PARD3B: variants seen among roughly 807,000 people sequenced by gnomAD.
PARD3B encodes par-3 family cell polarity regulator beta.
PARD3B carries 103 observed loss-of-function variants against 130.2 expected under a neutral mutation model. That is an observed-to-expected ratio of 0.79 (90% CI 0.67 to 0.93). The LOEUF (loss-of-function observed/expected upper bound fraction) is 0.93. PARD3B is among the 40% of genes least tolerant of loss of function. The probability of loss-of-function intolerance (pLI) is 0.00; values close to 1 mark genes in which losing one functional copy is unlikely to be tolerated. For synonymous variants in PARD3B, 583 were observed against 553.2 expected, an observed-to-expected ratio of 1.05 and a Z score of -0.76; for missense variants, 1,609 against 1,499.2, an observed-to-expected ratio of 1.07 and a Z score of -1.21.
intron 1 of PARD3B, among the ~76,000 whole-genome samples, chr2:204,651,680 G>C (rs2035484194): frequency 6.6e-6 from 1 of 152,174 alleles, no homozygotes; most frequent in African/African-American, 2.4e-5. Flanking sequence ...GACTGTGTAT[G>C]GGGGCTCCAA....
chr2:204,897,449 C>A, intron 2 of PARD3B, among the ~76,000 whole-genome samples: 1 of 139,014 alleles, frequency 7.2e-6, no homozygotes, highest in African/African-American at 2.8e-5. Context: ...AGAGAAAGAG[C>A]AACAATGGAC....
chr2:204,978,363 T>A (rs1692368977), intron 3 of PARD3B, among the ~76,000 whole-genome samples: 1 of 152,206 alleles, frequency 6.6e-6, no homozygotes, highest in Admixed American at 6.5e-5. Context: ...AATATAAAAA[T>A]TAGTAAAATG....
intron 2 of PARD3B, among the ~76,000 whole-genome samples, chr2:204,786,091 G>T (rs2042000818): frequency 6.8e-6 from 1 of 147,444 alleles, no homozygotes; most frequent in African/African-American, 2.5e-5. Flanking sequence ...ACCAGCCCAG[G>T]TGACAGAGTG....
intron 2 of PARD3B, among the ~76,000 whole-genome samples, chr2:204,935,898 C>T (rs1446171433): frequency 6.6e-6 from 1 of 152,048 alleles, no homozygotes; most frequent in Non-Finnish European, 1.5e-5. Context: ...TATTGTGAGG[C>T]TTTTTCTTTT....
At chr2:204,816,537 T>C (rs1350014188) in intron 2 of PARD3B, among the ~76,000 whole-genome samples, 2 of 152,014 alleles carry the variant, frequency 1.3e-5, no homozygotes, top group African/African-American at 4.8e-5. Flanking sequence ...TTAACAATTA[T>C]TTTTCTTTTA....
intron 3 of PARD3B, among the ~76,000 whole-genome samples, chr2:204,998,627 G>T (rs1694555181): frequency 6.6e-6 from 1 of 150,600 alleles, no homozygotes. Flanking sequence ...AAAAGTTTTT[G>T]ATATAAAGGA....
intron 15 of PARD3B, among the ~76,000 whole-genome samples, chr2:205,235,286 G>A (rs1358562236): frequency 3.9e-5 from 6 of 152,094 alleles, no homozygotes; most frequent in Non-Finnish European, 7.4e-5. Flanking sequence ...GTCGGGCATG[G>A]TGGCATTTGC....
chr2:205,544,472 A>C (rs950558295), intron 21 of PARD3B, among the ~76,000 whole-genome samples: 3 of 152,074 alleles, frequency 2.0e-5, no homozygotes, highest in African/African-American at 7.2e-5. Flanking sequence ...TACACACACA[A>C]AGTGCATCTG....
intron 1 of PARD3B, among the ~76,000 whole-genome samples, chr2:204,553,288 A>C: frequency 6.6e-6 from 1 of 152,104 alleles, no homozygotes; most frequent in East Asian, 1.9e-4. Context: ...GTGAACAGTG[A>C]ACACTTCTGG....
At chr2:205,035,742 C>A (rs1024023484) in intron 3 of PARD3B, among the ~76,000 whole-genome samples, 1 of 137,172 alleles carries the variant, frequency 7.3e-6, no homozygotes, top group Admixed American at 7.7e-5. Context: ...TATATATATT[C>A]TACTATGTAT....
intron 1 of PARD3B, among the ~76,000 whole-genome samples, chr2:204,644,298 TC>T (rs138585570): frequency 0.18 from 26,893 of 152,078 alleles, 2,486 homozygotes; most frequent in African/African-American, 0.23. Context: ...ATTTTACTAC[TC>T]AAAGTGCATG....
At chr2:204,938,182 T>A (rs1352649118) in intron 2 of PARD3B, among the ~76,000 whole-genome samples, 1 of 152,222 alleles carries the variant, frequency 6.6e-6, no homozygotes, top group African/African-American at 2.4e-5. Flanking sequence ...GGGAAAAAAG[T>A]CATTGTGACA....
chr2:205,294,156 T>C (rs963099449), intron 16 of PARD3B, among the ~76,000 whole-genome samples: 2 of 152,094 alleles, frequency 1.3e-5, no homozygotes, highest in African/African-American at 4.8e-5. Flanking sequence ...GTAGAGTCTT[T>C]CTAAGGGAGG....
At chr2:205,109,981 G>A (rs116380804) in intron 5 of PARD3B, among the ~76,000 whole-genome samples, 1,854 of 152,034 alleles carry the variant, frequency 0.012, 20 homozygotes, top group East Asian at 0.035. Flanking sequence ...AATGTTCTCC[G>A]TGTGCAAATG....
intron 2 of PARD3B, among the ~76,000 whole-genome samples, chr2:204,833,826 C>A (rs2043924497): frequency 6.6e-6 from 1 of 152,068 alleles, no homozygotes. Flanking sequence ...ACTAGTATAC[C>A]TTTTCAGTGT....
At chr2:205,573,730 TA>T (rs142354690) in intron 22 of PARD3B, among the ~76,000 whole-genome samples, 2,930 of 152,332 alleles carry the variant, frequency 0.019, 94 homozygotes, top group African/African-American at 0.067. Context: ...GTCATCTCTT[TA>T]AAAAGCCAAC....
At chr2:204,846,036 G>T (rs1394704621) in intron 2 of PARD3B, among the ~76,000 whole-genome samples, 1 of 151,892 alleles carries the variant, frequency 6.6e-6, no homozygotes, top group East Asian at 1.9e-4. Context: ...TCTTGAATAT[G>T]AAGAAAAGTT....
At chr2:205,574,435 A>G (rs1024074222) in intron 22 of PARD3B, among the ~76,000 whole-genome samples, 10 of 152,314 alleles carry the variant, frequency 6.6e-5, no homozygotes, top group African/African-American at 2.2e-4. Context: ...GGCTATGCCC[A>G]TGTAAGCATT....
intron 2 of PARD3B, among the ~76,000 whole-genome samples, chr2:204,939,806 C>G (rs1688761901): frequency 1.3e-5 from 2 of 152,148 alleles, no homozygotes; most frequent in East Asian, 3.9e-4. Flanking sequence ...ACCCTACCAC[C>G]TATCCCAAAT....
Sources: allele counts gnomAD v4.1 joint callset (sites outside exome capture counted in the v4.1 genomes callset), GRCh38; gene constraint gnomAD v4.1.1; transcripts MANE v1.5; gene names NCBI Gene and HGNC (gene_info 2026-07-23, HGNC 2026-07-21).